METTL15: variants seen among roughly 807,000 people sequenced by gnomAD.
METTL15 encodes the protein 12S rRNA N(4)-cytidine methyltransferase METTL15.
A neutral mutation model predicts 38.3 loss-of-function variants in METTL15; 34 were observed. The observed-to-expected ratio is 0.89, with a 90% confidence interval of 0.68 to 1.18. The LOEUF (loss-of-function observed/expected upper bound fraction) is 1.18, where lower values mean the gene tolerates loss of function less well. METTL15 is among the 50% of genes most tolerant of loss of function. The pLI, the probability that METTL15 is intolerant of heterozygous loss-of-function variation, is 0.00. For synonymous variants in METTL15, 162 were observed against 170.9 expected, an observed-to-expected ratio of 0.95 and a Z score of 0.41; for missense variants, 438 against 498.4, an observed-to-expected ratio of 0.88 and a Z score of 1.15.
intron 3 of METTL15, among the ~76,000 whole-genome samples, chr11:28,207,537 C>T (rs1852404905): frequency 1.3e-5 from 2 of 151,844 alleles, no homozygotes; most frequent in South Asian, 4.1e-4. Flanking sequence ...ATTTTTGCAT[C>T]AGGGTTCATC....
At chr11:28,492,287 G>A (rs1851501521) in intron 6 of METTL15, among the ~76,000 whole-genome samples, 1 of 152,044 alleles carries the variant, frequency 6.6e-6, no homozygotes, top group South Asian at 2.1e-4. Flanking sequence ...CCCCATGGAG[G>A]GTCTGGGATT....
chr11:28,381,095 G>A (rs1850378541), intron 5 of METTL15, among the ~76,000 whole-genome samples: 1 of 152,112 alleles, frequency 6.6e-6, no homozygotes, highest in African/African-American at 2.4e-5. Flanking sequence ...GGCTAAAGAA[G>A]TTAGCCTAGA....
At chr11:28,290,091 T>C in intron 4 of METTL15, 115 bp from the exon 5 acceptor site, 1 of 872,070 alleles carries the variant, frequency 1.1e-6, no homozygotes, top group East Asian at 2.7e-5. Flanking sequence ...ACTCAATAAA[T>C]ATATATCGGT....
At chr11:28,484,833 G>A (rs1251346445) in intron 6 of METTL15, among the ~76,000 whole-genome samples, 1 of 150,414 alleles carries the variant, frequency 6.6e-6, no homozygotes, top group East Asian at 1.9e-4. Flanking sequence ...GAAGGTAATT[G>A]GCAAAGGGTT....
intron 5 of METTL15, among the ~76,000 whole-genome samples, chr11:28,397,350 A>G (rs1253349607): frequency 2.6e-5 from 4 of 152,120 alleles, no homozygotes; most frequent in African/African-American, 9.7e-5. Flanking sequence ...CATCTGACAA[A>G]GGGCTAATAT....
intron 6 of METTL15, among the ~76,000 whole-genome samples, chr11:28,440,867 T>A (rs957040283): frequency 2.0e-5 from 3 of 152,176 alleles, no homozygotes; most frequent in African/African-American, 7.2e-5. Flanking sequence ...AAAGGTGCCA[T>A]CAAGAATTGC....
intron 3 of METTL15, among the ~76,000 whole-genome samples, chr11:28,153,077 C>T (rs1235033744): frequency 6.6e-6 from 1 of 152,008 alleles, no homozygotes; most frequent in African/African-American, 2.4e-5. Context: ...ATGTCACTTT[C>T]ATGGCCATCT....
intron 4 of METTL15, 37 bp from the exon 5 acceptor site, chr11:28,290,169 C>T: frequency 6.5e-7 from 1 of 1,535,846 alleles, no homozygotes; most frequent in Non-Finnish European, 8.8e-7. Context: ...TTCAATCTAA[C>T]AGAAGTGTTT....
intron 6 of METTL15, among the ~76,000 whole-genome samples, chr11:28,441,768 A>G (rs893318322): frequency 1.3e-5 from 2 of 152,194 alleles, no homozygotes; most frequent in African/African-American, 2.4e-5. Context: ...CTTCAATGGC[A>G]TTCATTTTTC....
intron 3 of METTL15, among the ~76,000 whole-genome samples, chr11:28,204,238 T>C (rs1319007700): frequency 1.3e-5 from 2 of 151,980 alleles, no homozygotes; most frequent in Admixed American, 1.3e-4. Flanking sequence ...TTAATTCACT[T>C]TCATTTTGAT....
chr11:28,197,055 T>A (rs2133813200), intron 3 of METTL15, among the ~76,000 whole-genome samples: 1 of 152,138 alleles, frequency 6.6e-6, no homozygotes, highest in Middle Eastern at 3.4e-3. Context: ...TAAAAAATCA[T>A]CTGTTAAGCT....
At chr11:28,276,733 A>C (rs2133966165) in intron 4 of METTL15, among the ~76,000 whole-genome samples, 1 of 152,318 alleles carries the variant, frequency 6.6e-6, no homozygotes, top group East Asian at 1.9e-4. Flanking sequence ...AAATAGACAC[A>C]TAGATCAATG....
intron 4 of METTL15, among the ~76,000 whole-genome samples, chr11:28,222,465 G>T (rs1853283150): frequency 6.6e-6 from 1 of 152,212 alleles, no homozygotes; most frequent in Non-Finnish European, 1.5e-5. Context: ...CTTTTCATTG[G>T]CTAGGAAAGG....
chr11:28,298,768 C>A (rs923888029), intron 6 of METTL15, among the ~76,000 whole-genome samples: 12 of 151,862 alleles, frequency 7.9e-5, no homozygotes, highest in African/African-American at 2.7e-4. Flanking sequence ...TGGAATTAGT[C>A]CATTTTTATG....
intron 6 of METTL15, among the ~76,000 whole-genome samples, chr11:28,432,422 T>C (rs552084124): frequency 1.3e-5 from 2 of 152,356 alleles, no homozygotes; most frequent in South Asian, 4.1e-4. Context: ...TCATGTTTAT[T>C]ACTCTTTTCT....
At chr11:28,275,589 A>G (rs1400187260) in intron 4 of METTL15, among the ~76,000 whole-genome samples, 1 of 151,622 alleles carries the variant, frequency 6.6e-6, no homozygotes. Flanking sequence ...AATTCTCCCT[A>G]ACTAATCCTA....
intron 3 of METTL15, among the ~76,000 whole-genome samples, chr11:28,205,053 T>C (rs1441351665): frequency 6.6e-6 from 1 of 152,028 alleles, no homozygotes; most frequent in Non-Finnish European, 1.5e-5. Flanking sequence ...TGTGCATTTC[T>C]TTGTTAACCA....
rs368568377 is a variant in METTL15, at chr11:28,181,647, C to T, written c.271-29415C>T. Reference sequence around the variant, plus strand: ...GTATATGTACCACATTTTCTTTATCCAGTCTATCATTGATGGACATTTGGG... The same window carrying T: ...GTATATGTACCACATTTTCTTTATCTAGTCTATCATTGATGGACATTTGGG... On this transcript the variant is annotated intron_variant, in intron 3 of 6. Transcript: ENST00000407364. 9.9e-5 allele frequency among the ~76,000 whole-genome samples: 15 copies of T among 152,164 alleles called. No homozygotes were observed. In the East Asian group the frequency reaches 1.5e-3, roughly 16 times the overall value.
At chr11:28,119,612 T>C (rs1590750051) in intron 3 of METTL15, among the ~76,000 whole-genome samples, 1 of 152,366 alleles carries the variant, frequency 6.6e-6, no homozygotes, top group East Asian at 1.9e-4. Context: ...AAAGTAAGTT[T>C]TTACCTATTT....
Sources: allele counts gnomAD v4.1 joint callset (sites outside exome capture counted in the v4.1 genomes callset), GRCh38; gene constraint gnomAD v4.1.1; transcripts MANE v1.5; gene names NCBI Gene and HGNC (gene_info 2026-07-23, HGNC 2026-07-21).